The following SNX29 variants were observed in gnomAD, a reference collection of about 807,000 sequenced individuals.
SNX29 encodes the protein sorting nexin-29.
Under a neutral mutation model 102.1 loss-of-function variants are expected in SNX29, and 78 were observed. The observed-to-expected ratio is 0.76, with a 90% confidence interval of 0.64 to 0.92. The LOEUF is 0.92. Ranked by LOEUF, SNX29 falls within the 40% of genes least tolerant of loss-of-function variation. The pLI, the probability that SNX29 is intolerant of heterozygous loss-of-function variation, is 0.00. For synonymous variants in SNX29, 580 were observed against 414.5 expected (o/e 1.40, Z -4.85); for missense variants, 1,280 against 1,061.7 (o/e 1.21, Z -2.86).
intron 18 of SNX29, among the ~76,000 whole-genome samples, chr16:12,468,224 G>T (rs946674786): frequency 7.5e-6 from 1 of 134,050 alleles, no homozygotes; most frequent in East Asian, 2.1e-4. Flanking sequence ...TCCCAGGCTG[G>T]AGTGCAGTGG....
chr16:12,212,094 C>T (rs2077200459), intron 14 of SNX29, among the ~76,000 whole-genome samples: 1 of 152,140 alleles, frequency 6.6e-6, no homozygotes, highest in Admixed American at 6.5e-5. Context: ...TGTTGCCTCT[C>T]CTGGGCCTCG....
At chr16:12,312,959 G>A (rs576908950) in intron 15 of SNX29, among the ~76,000 whole-genome samples, 1 of 151,912 alleles carries the variant, frequency 6.6e-6, no homozygotes, top group African/African-American at 2.4e-5. Flanking sequence ...GGGGGATCTG[G>A]CTTTTCAGGT....
At chr16:12,512,262 C>A (rs1289858208) in intron 19 of SNX29, among the ~76,000 whole-genome samples, 4 of 149,724 alleles carry the variant, frequency 2.7e-5, no homozygotes, top group African/African-American at 9.8e-5. Context: ...TGAGAGGGTG[C>A]GGCTGGAGAG....
At chr16:12,298,327 T>C (rs1001221708) in intron 15 of SNX29, among the ~76,000 whole-genome samples, 1 of 152,134 alleles carries the variant, frequency 6.6e-6, no homozygotes, top group Non-Finnish European at 1.5e-5. Context: ...CACAGATAAT[T>C]TCCTTAGACT....
intron 20 of SNX29, among the ~76,000 whole-genome samples, chr16:12,550,605 G>A (rs9928748): frequency 0.017 from 2,525 of 151,552 alleles, 84 homozygotes; most frequent in African/African-American, 0.058. Context: ...GTGCTTCTAT[G>A]TGTAATGTAT....
At chr16:12,495,161 T>C (rs1236328407) in intron 19 of SNX29, among the ~76,000 whole-genome samples, 5 of 151,906 alleles carry the variant, frequency 3.3e-5, no homozygotes, top group African/African-American at 1.2e-4. Context: ...TTCGTTTTCT[T>C]TTTTCTTTTT....
At chr16:12,128,207 T>C (rs4238614) in intron 12 of SNX29, among the ~76,000 whole-genome samples, 35,171 of 152,210 alleles carry the variant, frequency 0.23, 4,380 homozygotes, top group East Asian at 0.47. Context: ...TCTTTGTCCA[T>C]GCTCCAGCTG....
chr16:12,328,382 T>A (rs2081187164), intron 15 of SNX29, among the ~76,000 whole-genome samples: 1 of 152,172 alleles, frequency 6.6e-6, no homozygotes. Context: ...TAAAGAAAAT[T>A]CTTCTACAAG....
intron 19 of SNX29, among the ~76,000 whole-genome samples, chr16:12,479,132 C>A (rs1430157309): frequency 6.6e-6 from 1 of 152,212 alleles, no homozygotes; most frequent in Non-Finnish European, 1.5e-5. Flanking sequence ...CGTAGACATG[C>A]TGATTCACAC....
intron 4 of SNX29, among the ~76,000 whole-genome samples, chr16:12,032,422 G>A (rs1031244746): frequency 2.0e-5 from 3 of 151,928 alleles, no homozygotes; most frequent in Non-Finnish European, 4.4e-5. Flanking sequence ...TGGCCAGGCT[G>A]GTCTCGAACC....
At chr16:12,060,039 A>G (rs1416801109) in intron 8 of SNX29, among the ~76,000 whole-genome samples, 4 of 152,216 alleles carry the variant, frequency 2.6e-5, no homozygotes, top group East Asian at 1.9e-4. Flanking sequence ...GAGATACAGA[A>G]TGATGTTTAA....
At chr16:12,069,166 TA>T (rs1160911298) in intron 10 of SNX29, 34 bp downstream of exon 10, 4 of 1,554,854 alleles carry the variant, frequency 2.6e-6, no homozygotes, top group Middle Eastern at 1.7e-4. Context: ...CCTGTGGCAT[TA>T]AAACATCCTA....
At chr16:12,296,732 T>C (rs1395811882) in intron 15 of SNX29, among the ~76,000 whole-genome samples, 1 of 152,250 alleles carries the variant, frequency 6.6e-6, no homozygotes, top group Non-Finnish European at 1.5e-5. Context: ...GCTGCTGTTT[T>C]GAGTGCCAGT....
intron 15 of SNX29, among the ~76,000 whole-genome samples, chr16:12,281,968 C>G (rs2079445108): frequency 6.6e-6 from 1 of 151,496 alleles, no homozygotes; most frequent in Non-Finnish European, 1.5e-5. Flanking sequence ...TCTATAGTCC[C>G]CAGCTACTTG....
intron 4 of SNX29, among the ~76,000 whole-genome samples, chr16:12,034,726 A>G (rs28678284): frequency 0.034 from 5,227 of 152,256 alleles, 292 homozygotes; most frequent in African/African-American, 0.12. Flanking sequence ...TTTAATCCTG[A>G]TGTCTCATAA....
intron 20 of SNX29, among the ~76,000 whole-genome samples, chr16:12,563,295 G>A (rs576382698): frequency 4.6e-5 from 7 of 152,228 alleles, no homozygotes; most frequent in Non-Finnish European, 8.8e-5. Context: ...TCCACAGCTC[G>A]GAAAGTCTGC....
chr16:12,301,965 A>G (rs1236458691), intron 15 of SNX29, among the ~76,000 whole-genome samples: 1 of 152,182 alleles, frequency 6.6e-6, no homozygotes, highest in African/African-American at 2.4e-5. Flanking sequence ...TTTAAAGAAT[A>G]TTGATCCTGA....
At chr16:12,353,750 AGAGGGAGAAGGGGGATTG>A (rs1248234949) in intron 15 of SNX29, among the ~76,000 whole-genome samples, 1 of 152,224 alleles carries the variant, frequency 6.6e-6, no homozygotes, top group Non-Finnish European at 1.5e-5. Flanking sequence ...TGAGACCCCA[AGAGGGAGAAGGGGGATTG>A]GAGAGAAAGG....
chr16:12,299,778 AATT>A (rs1262854091), intron 15 of SNX29, among the ~76,000 whole-genome samples: 1 of 120,832 alleles, frequency 8.3e-6, no homozygotes, highest in Non-Finnish European at 1.5e-5. Context: ...TCAAATTTCG[AATT>A]TTTTTTTTTT....
Sources: allele counts gnomAD v4.1 joint callset (sites outside exome capture counted in the v4.1 genomes callset), GRCh38; gene constraint gnomAD v4.1.1; transcripts MANE v1.5; gene names NCBI Gene and HGNC (gene_info 2026-07-23, HGNC 2026-07-21).